Variants in RANBP2 observed in about 807,000 individuals in gnomAD.
The protein encoded by RANBP2 is RAN binding protein 2.
In RANBP2, 57 loss-of-function variants were observed where a neutral mutation model predicts 303.6. The observed-to-expected ratio is 0.19, with a 90% confidence interval of 0.15 to 0.23. The LOEUF is 0.23. RANBP2 is among the 10% of genes least tolerant of loss of function. The pLI, the probability that RANBP2 is intolerant of heterozygous loss-of-function variation, is 1.00. For missense variants in RANBP2, 3,138 were observed against 3,780.8 expected, an observed-to-expected ratio of 0.83 and a Z score of 4.46; for synonymous variants, 1,167 against 1,301.5, an observed-to-expected ratio of 0.90 and a Z score of 2.23.
the RANBP2 span, among the ~76,000 whole-genome samples, chr2:109,673,254 T>C: frequency 6.6e-6 from 1 of 152,300 alleles, no homozygotes; most frequent in African/African-American, 2.4e-5. Flanking sequence ...ATCTTTACAA[T>C]GGGGACAGTA....
the RANBP2 span, among the ~76,000 whole-genome samples, chr2:109,232,221 C>T: frequency 6.6e-6 from 1 of 152,222 alleles, no homozygotes; most frequent in African/African-American, 2.4e-5. Context: ...GGCTGCATCA[C>T]TACCACCCAA....
chr2:109,350,905 C>T, the RANBP2 span, among the ~76,000 whole-genome samples: 2 of 152,214 alleles, frequency 1.3e-5, no homozygotes, highest in East Asian at 3.9e-4. Context: ...AATGGTATAA[C>T]CTGCCTTTAT....
At chr2:109,266,640 A>G in the RANBP2 span, among the ~76,000 whole-genome samples, 1 of 151,550 alleles carries the variant, frequency 6.6e-6, no homozygotes, top group African/African-American at 2.4e-5. Flanking sequence ...TTAGCTCAGC[A>G]GAGTCCTCAG....
chr2:108,995,860 T>C, the RANBP2 span, among the ~76,000 whole-genome samples: 1 of 152,158 alleles, frequency 6.6e-6, no homozygotes, highest in Non-Finnish European at 1.5e-5. Context: ...CAACCCCTTG[T>C]GCAGCTGCCC....
chr2:109,483,245 C>A, the RANBP2 span, among the ~76,000 whole-genome samples: 1 of 152,212 alleles, frequency 6.6e-6, no homozygotes, highest in Non-Finnish European at 1.5e-5. Flanking sequence ...CAAAAAACTT[C>A]CAAGTATAAC....
At chr2:109,710,761 T>C in the RANBP2 span, among the ~76,000 whole-genome samples, 1 of 151,172 alleles carries the variant, frequency 6.6e-6, no homozygotes, top group Non-Finnish European at 1.5e-5. Context: ...AAGCAGGGAG[T>C]GAGGGAGGGG....
At chr2:108,808,800 G>T in the RANBP2 span, among the ~76,000 whole-genome samples, 2 of 152,026 alleles carry the variant, frequency 1.3e-5, no homozygotes, top group Admixed American at 6.5e-5. Context: ...TCTGCAGGTT[G>T]TATCATTATT....
the RANBP2 span, among the ~76,000 whole-genome samples, chr2:109,199,939 C>T: frequency 2.2e-5 from 3 of 135,046 alleles, no homozygotes; most frequent in Non-Finnish European, 3.3e-5. Context: ...CTGTACAGCA[C>T]GTGTCCCCAG....
chr2:108,877,636 G>A, the RANBP2 span, among the ~76,000 whole-genome samples: 1 of 152,182 alleles, frequency 6.6e-6, no homozygotes, highest in Admixed American at 6.5e-5. Context: ...CAGATACTAG[G>A]ACAGAGCCTG....
chr2:109,371,296 A>T, the RANBP2 span, among the ~76,000 whole-genome samples: 15 of 152,358 alleles, frequency 9.8e-5, no homozygotes, highest in East Asian at 1.4e-3. Context: ...AGGCTGAGGC[A>T]GGAGAATCGC....
At chr2:108,897,705 A>C in the RANBP2 span, among the ~76,000 whole-genome samples, 1 of 152,194 alleles carries the variant, frequency 6.6e-6, no homozygotes, top group Non-Finnish European at 1.5e-5. Context: ...AGTCACTGCC[A>C]ACTCAGTGGT....
At chr2:109,487,467 T>C in the RANBP2 span, among the ~76,000 whole-genome samples, 1 of 152,268 alleles carries the variant, frequency 6.6e-6, no homozygotes, top group African/African-American at 2.4e-5. Context: ...AATTCTGTCC[T>C]GGAAGGCGGA....
the RANBP2 span, among the ~76,000 whole-genome samples, chr2:109,489,944 G>T: frequency 3.1e-3 from 472 of 152,280 alleles, 4 homozygotes; most frequent in African/African-American, 0.011. Context: ...CACCATGTTG[G>T]CCAGGCTGGT....
chr2:109,449,121 A>G, the RANBP2 span: 1 of 1,577,336 alleles, frequency 6.3e-7, no homozygotes, highest in Non-Finnish European at 8.6e-7. Context: ...AGGCATGGCA[A>G]GTTGCAAACT....
chr2:109,041,586 G>A, the RANBP2 span, among the ~76,000 whole-genome samples: 9 of 146,590 alleles, frequency 6.1e-5, no homozygotes, highest in South Asian at 1.3e-3. Flanking sequence ...GCAGTGGCTC[G>A]ATCTTGGCTC....
At chr2:108,876,378 T>C in the RANBP2 span, 1 of 559,690 alleles carries the variant, frequency 1.8e-6, no homozygotes, top group South Asian at 4.5e-5. Context: ...AAATAAATAA[T>C]TTTTTTGAAC....
At chr2:109,346,572 G>A in the RANBP2 span, among the ~76,000 whole-genome samples, 1 of 151,974 alleles carries the variant, frequency 6.6e-6, no homozygotes, top group Non-Finnish European at 1.5e-5. Flanking sequence ...CAGTTGAGCA[G>A]GTATTGGCCA....
chr2:108,967,085 C>A, the RANBP2 span, among the ~76,000 whole-genome samples: 1 of 152,192 alleles, frequency 6.6e-6, no homozygotes, highest in Admixed American at 6.5e-5. Context: ...CAGGCACCCG[C>A]TACCATGCCA....
At chr2:109,408,671 A>G in the RANBP2 span, among the ~76,000 whole-genome samples, 1 of 152,254 alleles carries the variant, frequency 6.6e-6, no homozygotes, top group Admixed American at 6.5e-5. Flanking sequence ...AAGGATGGAT[A>G]GACGGACACA....
Sources: allele counts gnomAD v4.1 joint callset (sites outside exome capture counted in the v4.1 genomes callset), GRCh38; gene constraint gnomAD v4.1.1; transcripts MANE v1.5; gene names NCBI Gene and HGNC (gene_info 2026-07-23, HGNC 2026-07-21).